The following CCDC61 variants were observed in gnomAD, a reference collection of about 807,000 sequenced individuals.
CCDC61 encodes the protein centrosomal protein CCDC61.
In CCDC61, 55 loss-of-function variants were observed where a neutral mutation model predicts 63.0. The observed-to-expected ratio is 0.87, with a 90% CI of 0.70 to 1.09. The LOEUF (loss-of-function observed/expected upper bound fraction) is 1.09, where lower values mean the gene tolerates loss of function less well. CCDC61 is among the 50% of genes least tolerant of loss of function. The pLI is 0.00. For synonymous variants in CCDC61, 270 were observed against 317.0 expected (o/e 0.85, Z 1.58); for missense variants, 651 against 731.4 (o/e 0.89, Z 1.27).
At chr19:46,006,818 G>T in intron 4 of CCDC61, 102 bp downstream of exon 4, 8 of 1,091,452 alleles carry the variant, frequency 7.3e-6, no homozygotes, top group Non-Finnish European at 1.1e-5. Flanking sequence ...GGTGATATTG[G>T]TTAAGCCTTG....
intron 1 of CCDC61, among the ~76,000 whole-genome samples, chr19:45,999,426 G>T (rs543243023): frequency 8.1e-4 from 123 of 152,248 alleles, no homozygotes; most frequent in Non-Finnish European, 1.5e-3. Flanking sequence ...GCGTGTGAAT[G>T]TGGGGCGGAG....
chr19:45,997,771 A>G (rs936691159), intron 1 of CCDC61, among the ~76,000 whole-genome samples: 2 of 151,542 alleles, frequency 1.3e-5, no homozygotes, highest in African/African-American at 4.9e-5. Context: ...ACTACAACCT[A>G]CGCCTCCCAA....
intron 5 of CCDC61, among the ~76,000 whole-genome samples, chr19:46,013,076 A>G (rs1380055110): frequency 6.6e-6 from 1 of 151,924 alleles, no homozygotes; most frequent in Non-Finnish European, 1.5e-5. Flanking sequence ...CAGTGGTGCA[A>G]TGTCAGCTCA....
At position 46,016,431 on chromosome 19, in the gene CCDC61, G is replaced by C; in HGVS notation, c.1091+38G>C. 6.2e-7 allele frequency: 1 copy of C among 1,606,130 alleles called. No homozygotes were observed. Among genetic ancestry groups the C allele is most frequent in the Non-Finnish European group, 8.5e-7 (1 of 1,174,748 alleles). On this transcript the variant is annotated intron_variant, in intron 9 of 13. Coordinates refer to ENST00000595358, the MANE Select transcript of CCDC61 (RefSeq NM_001267723.2). The surrounding 1 kb of genome is among the most constrained non-coding windows in gnomAD (Gnocchi z 7.2). Reference sequence around the variant, plus strand: ...TCCTCCCTCACCTGCCCCTGTCCCTGGCCCGTGCCCGCTCCCGGGCTCTCA... The same window carrying C: ...TCCTCCCTCACCTGCCCCTGTCCCTCGCCCGTGCCCGCTCCCGGGCTCTCA...
intron 1 of CCDC61, among the ~76,000 whole-genome samples, chr19:45,997,874 A>C (rs1416134578): frequency 6.6e-6 from 1 of 151,478 alleles, no homozygotes; most frequent in African/African-American, 2.4e-5. Flanking sequence ...TTTAGCAGAG[A>C]TGGGGTTTCA....
intron 3 of CCDC61, among the ~76,000 whole-genome samples, chr19:46,005,817 G>A (rs923355639): frequency 6.7e-6 from 1 of 149,418 alleles, no homozygotes; most frequent in South Asian, 2.2e-4. Flanking sequence ...TAAAAATAGT[G>A]TTCTATGAAA....
At chr19:46,012,987 G>A (rs1477191601) in intron 5 of CCDC61, among the ~76,000 whole-genome samples, 2 of 151,954 alleles carry the variant, frequency 1.3e-5, no homozygotes, top group Non-Finnish European at 2.9e-5. Flanking sequence ...CAGTAGCTGG[G>A]ACTACAGGCA....
intron 3 of CCDC61, among the ~76,000 whole-genome samples, chr19:46,004,992 C>T (rs1325278657): frequency 2.0e-5 from 3 of 151,670 alleles, no homozygotes; most frequent in African/African-American, 7.3e-5. Flanking sequence ...GCCTGCCCAC[C>T]ATGCCCAGCT....
At chr19:46,002,566 C>T (rs1414923394) in intron 1 of CCDC61, among the ~76,000 whole-genome samples, 1 of 151,736 alleles carries the variant, frequency 6.6e-6, no homozygotes, top group Non-Finnish European at 1.5e-5. Context: ...CAGGCATGCA[C>T]CACCACACCT....
At position 46,018,361 on chromosome 19, in the gene CCDC61, A is replaced by G. The variant is rs773717104; in HGVS notation, c.1513A>G (p.Met505Val). ...DARLKALQEY[M>V]NRLDMRS ...ACGCCTGAAGGCCTTGCAGGAGTACATGAACCGACTGGACATGCGGTCATA... is the reference window on the plus strand; with the variant it reads ...ACGCCTGAAGGCCTTGCAGGAGTACGTGAACCGACTGGACATGCGGTCATA... Residue 505 changes from methionine to valine, a missense_variant, in exon 14 of 14, where the codon ATG becomes GTG. By Grantham distance (21) the Met-to-Val change is conservative. Transcript: ENST00000595358. This position sits in a 1 kb window ranked among gnomAD's most constrained non-coding sequence, Gnocchi z 4.2. 7 of 1,574,186 alleles carry G rather than the reference A, an allele frequency of 4.4e-6. No individual in the cohort carries two copies. The highest frequency in any genetic ancestry group is 4.1e-5 in the African/African-American group (3 of 73,770).
rs1968986021 is a variant in CCDC61, at chr19:46,018,125, C to T, written c.1416C>T (p.Asn472=). The change falls in exon 13 of 14, where the codon AAC becomes AAT. Residue 472 remains asparagine, a synonymous_variant. Transcript: ENST00000595358. The surrounding 1 kb of genome is among the most constrained non-coding windows in gnomAD (Gnocchi z 4.2). ...GCCACCATCAGAAATCTCTGGCCAA[C>T]TCCGGGGGCTGGGTCCCCATCAAAG... ...ERSHHQKSLA[N]SGGWVPIKEY... The T allele has an allele frequency of 1.2e-6, 2 of 1,609,648 alleles. No homozygotes were observed. The highest frequency in any genetic ancestry group is 1.7e-5 in the Admixed American group (1 of 59,642).
At chr19:46,009,581 C>G (rs1382968626) in intron 5 of CCDC61, among the ~76,000 whole-genome samples, 1 of 152,192 alleles carries the variant, frequency 6.6e-6, no homozygotes, top group African/African-American at 2.4e-5. Context: ...TAGATCCAGG[C>G]AGCCAGCGCC....
chr19:46,006,242 A>T (rs754416044), intron 3 of CCDC61, among the ~76,000 whole-genome samples: 1 of 152,240 alleles, frequency 6.6e-6, no homozygotes, highest in Non-Finnish European at 1.5e-5. Context: ...TCTTTGTATT[A>T]TTATGAAAGT....
Position 46,016,011 on chromosome 19 carries a change from G to A in CCDC61, c.846-43G>A. On this transcript the variant is annotated intron_variant, in intron 7 of 13. Transcript: ENST00000595358. This position sits in a 1 kb window ranked among gnomAD's most constrained non-coding sequence, Gnocchi z 7.2. ...GGGGAGGAGTCTCGCGATTGAGTTT[G>A]TCGGGGCGGGCGGGAAGCTGACAGC... is the stretch of plus-strand genomic sequence containing the variant. 1 of 1,233,658 alleles carries A rather than the reference G, an allele frequency of 8.1e-7. No individual in the cohort carries two copies. Among genetic ancestry groups the A allele is most frequent in the South Asian group, 4.1e-5 (1 of 24,492 alleles). The allele number at this position is 1,233,658 out of a possible 1,614,324, so 76.4% of individuals were successfully genotyped here.
chr19:46,008,558 G>A (rs1211102672), intron 5 of CCDC61, among the ~76,000 whole-genome samples: 1 of 152,112 alleles, frequency 6.6e-6, no homozygotes, highest in Admixed American at 6.5e-5. Flanking sequence ...ACAGGCACGC[G>A]CCACCATGTC....
intron 1 of CCDC61, among the ~76,000 whole-genome samples, chr19:45,996,813 T>A (rs547636652): frequency 6.6e-6 from 1 of 152,334 alleles, no homozygotes; most frequent in African/African-American, 2.4e-5. Flanking sequence ...CACCAGCTCC[T>A]TTGCTACCAC....
Position 46,018,229 on chromosome 19 carries a change from C to A in CCDC61, c.1442-61C>A. On this transcript the variant is annotated intron_variant, in intron 13 of 13. Transcript: ENST00000595358. The surrounding 1 kb of genome is among the most constrained non-coding windows in gnomAD (Gnocchi z 4.2). ...TAGTGCGGGCAGTGGTATATTGGGC[C>A]CAGGAACTCCCTGGGGCTTCAGGCC... The A allele has an allele frequency of 6.5e-7, 1 of 1,546,652 alleles. No homozygotes were observed. Among genetic ancestry groups the A allele is most frequent in the Non-Finnish European group, 8.8e-7 (1 of 1,141,232 alleles).
rs1336738943 is a variant in CCDC61 at position 46,003,077 on chromosome 19, T to C, written c.59T>C (p.Val20Ala). 6.2e-7 allele frequency: 1 copy of C among 1,608,468 alleles called. No individual in the cohort carries two copies. The highest frequency in any genetic ancestry group is 8.5e-7 in the Non-Finnish European group (1 of 1,177,654). The change falls in exon 2 of 14, where the codon GTG becomes GCG. Residue 20 changes from valine (V) to alanine (A), a missense_variant. Physicochemically the swap from Val to Ala is moderately conservative, Grantham distance 64. Transcript: ENST00000595358. The stretch of plus-strand genomic sequence containing the variant: ...GTCTTCCGGGGTGTGGAGCATGCCG[T>C]GCGGGTGATGGTTTCTGGGCAGGTG... ...DYVFRGVEHA[V>A]RVMVSGQVLE...
At chr19:45,996,798 T>C (rs11881271) in intron 1 of CCDC61, among the ~76,000 whole-genome samples, 70,756 of 151,790 alleles carry the variant, frequency 0.47, 16,766 homozygotes, top group Non-Finnish European at 0.49. Flanking sequence ...AATCCAACCA[T>C]GCCTCACCAG....
Sources: gnomAD v4.1 joint callset for allele counts (sites outside exome capture counted in the v4.1 genomes callset) on GRCh38, gnomAD v4.1.1 for gene constraint, Gnocchi (gnomAD v3.1) non-coding constraint, MANE v1.5 for transcripts, NCBI Gene and HGNC (gene_info 2026-07-23, HGNC 2026-07-21) for gene names.